HADH: variants seen among roughly 807,000 people sequenced by gnomAD.
HADH encodes hydroxyacyl-coenzyme A dehydrogenase, mitochondrial.
Under a neutral mutation model 32.2 loss-of-function variants are expected in HADH, and 24 were observed. That is an observed-to-expected ratio of 0.75 (90% CI 0.54 to 1.05). HADH has a LOEUF of 1.05. Among genes scored for constraint, HADH ranks in the 50% least tolerant of loss-of-function variants. The pLI, the probability that HADH is intolerant of heterozygous loss-of-function variation, is 0.00. For missense variants in HADH, 350 were observed against 397.1 expected, an observed-to-expected ratio of 0.88 and a Z score of 1.01; for synonymous variants, 139 against 152.5, an observed-to-expected ratio of 0.91 and a Z score of 0.65.
Position 107,994,556 on chromosome 4 carries a change from T to C in HADH, c.132+4492T>C, listed in dbSNP as rs372933265. 5.9e-5 allele frequency among the ~76,000 whole-genome samples: 9 copies of C among 152,336 alleles called. No homozygotes were observed. The East Asian group carries it at 1.4e-3, about 23-fold the overall frequency. ...AGCTCTGTTGAGCTGTACAGTACAG[T>C]ACTGCTTTGCTTGCAAAGCAGTACA... On this transcript the variant is annotated intron_variant, in intron 1 of 7. Coordinates refer to ENST00000309522, the MANE Select transcript of HADH (RefSeq NM_005327.7).
chr4:108,011,466 C>T (rs1354907033), intron 2 of HADH, among the ~76,000 whole-genome samples: 1 of 152,140 alleles, frequency 6.6e-6, no homozygotes, highest in East Asian at 1.9e-4. Context: ...CCACTGGGCC[C>T]CTCCCACAAC....
intron 6 of HADH, chr4:108,028,358 T>A (rs1300915559): frequency 6.4e-6 from 1 of 155,408 alleles, no homozygotes; most frequent in Admixed American, 6.4e-5. Context: ...GGCCTCTAAA[T>A]TGATCTGCAT....
intron 6 of HADH, chr4:108,032,580 T>G: frequency 2.1e-6 from 1 of 478,356 alleles, no homozygotes; most frequent in Non-Finnish European, 3.8e-6. Context: ...GATTCCAGAG[T>G]TGGAAAATCC....
intron 1 of HADH, among the ~76,000 whole-genome samples, chr4:108,000,847 G>A (rs1185580993): frequency 6.6e-6 from 1 of 152,144 alleles, no homozygotes; most frequent in Admixed American, 6.6e-5. Context: ...CTACAGAATC[G>A]GGTTACTACC....
At position 107,989,943 on chromosome 4, in the gene HADH, T is replaced by A; in HGVS notation, c.11T>A (p.Val4Asp). 6.2e-7 allele frequency: 1 copy of A among 1,612,898 alleles called. No individual in the cohort carries two copies. Among genetic ancestry groups the A allele is most frequent in the African/African-American group, 1.3e-5 (1 of 75,020 alleles). ...CGCCGCTGCCACACCATGGCCTTCGTCACCAGGCAGTTCATGCGTTCCGTG... is the reference window on the plus strand; with the variant it reads ...CGCCGCTGCCACACCATGGCCTTCGACACCAGGCAGTTCATGCGTTCCGTG... The part of the protein sequence containing the change: MAF[V>D]TRQFMRSVSS... The change falls in exon 1 of 8, where the codon GTC (valine) becomes GAC (aspartate). Residue 4 changes from valine (V) to aspartate (D), a missense_variant. Val to Asp is a radical substitution (Grantham distance 152). Coordinates refer to ENST00000309522, the MANE Select transcript of HADH (RefSeq NM_005327.7).
chr4:108,011,683 G>C (rs576569915), intron 2 of HADH, among the ~76,000 whole-genome samples: 1 of 152,172 alleles, frequency 6.6e-6, no homozygotes, highest in Admixed American at 6.5e-5. Flanking sequence ...TTGCTGGGTT[G>C]TATGGTAATC....
chr4:108,000,749 C>A (rs1336178759), intron 1 of HADH, among the ~76,000 whole-genome samples: 2 of 152,150 alleles, frequency 1.3e-5, no homozygotes, highest in Non-Finnish European at 2.9e-5. Context: ...GGGAGCCGGA[C>A]ATGTATGGCA....
rs1736395216 is a variant in HADH, at chr4:108,034,512, C to G, written c.*155C>G. 1.4e-6 allele frequency: 1 copy of G among 701,128 alleles called. No individual in the cohort carries two copies. The highest frequency in any genetic ancestry group is 2.7e-6 in the Non-Finnish European group (1 of 375,390). The allele number at this position is 701,128 out of a possible 1,614,324, so 43.4% of individuals were successfully genotyped here. On this transcript the variant is annotated 3_prime_UTR_variant, in exon 8 of 8. Transcript: ENST00000309522. ...TTGTAATCTATCGAAGTGATTATTACACCAGTTACAGCAGTAATAGATTCT... is the reference window on the plus strand; with the variant it reads ...TTGTAATCTATCGAAGTGATTATTAGACCAGTTACAGCAGTAATAGATTCT...
chr4:108,033,248 T>G lies in HADH; in HGVS notation c.782T>G (p.Leu261Arg), dbSNP rs1451655611. 6.2e-7 allele frequency: 1 copy of G among 1,605,796 alleles called. No homozygotes were observed. The highest frequency in any genetic ancestry group is 8.5e-7 in the Non-Finnish European group (1 of 1,172,408). Residue 261 changes from leucine to arginine, a missense_variant, in exon 7 of 8, where the codon CTT becomes CGT. By Grantham distance (102) the Leu-to-Arg change is moderately radical (BLOSUM62 -2). Transcript: ENST00000309522. ...GAGYPMGPFE[L>R]LDYVGLDTTK... is the part of the protein sequence containing the mutation. ...GGTTACCCCATGGGCCCATTTGAGC[T>G]TCTAGATTATGTCGGACTGGATACT... is the stretch of plus-strand genomic sequence containing the variant.
At chr4:108,014,288 T>A in intron 2 of HADH, 143 bp from the exon 3 acceptor site, 2 of 826,976 alleles carry the variant, frequency 2.4e-6, no homozygotes, top group South Asian at 2.8e-5. Flanking sequence ...ATTACAGGCT[T>A]CGTGGACACT....
intron 5 of HADH, 144 bp downstream of exon 5, chr4:108,023,707 C>A: frequency 1.4e-6 from 1 of 695,396 alleles, no homozygotes; most frequent in South Asian, 1.5e-5. Context: ...AAAGAGCAAT[C>A]CGTGCCTCCT....
intron 1 of HADH, among the ~76,000 whole-genome samples, chr4:107,995,323 GAC>G (rs746108669): frequency 6.6e-6 from 1 of 152,106 alleles, no homozygotes; most frequent in Non-Finnish European, 1.5e-5. Flanking sequence ...AGACTCACCT[GAC>G]AGCTGTGAAA....
chr4:108,003,129 C>A, intron 1 of HADH, among the ~76,000 whole-genome samples: 1 of 117,702 alleles, frequency 8.5e-6, no homozygotes, highest in South Asian at 2.8e-4. Flanking sequence ...TTTTTTGCTG[C>A]TATTAACAGA....
At chr4:108,008,902 T>C (rs1369633679) in intron 1 of HADH, among the ~76,000 whole-genome samples, 3 of 152,220 alleles carry the variant, frequency 2.0e-5, no homozygotes, top group Non-Finnish European at 4.4e-5. Context: ...TCCATGATCC[T>C]TGCTGAAGCT....
At chr4:108,032,947 A>G in intron 6 of HADH, 2 of 516,950 alleles carry the variant, frequency 3.9e-6, no homozygotes, top group South Asian at 2.0e-5. Context: ...GTGCCATTGC[A>G]CTTCAGCTTG....
chr4:107,998,805 T>C (rs139264178), intron 1 of HADH, among the ~76,000 whole-genome samples: 1 of 152,158 alleles, frequency 6.6e-6, no homozygotes, highest in Non-Finnish European at 1.5e-5. Flanking sequence ...TGATGGACAT[T>C]AGAGATTTCA....
At position 108,034,682 on chromosome 4, in the gene HADH, C is replaced by T. The variant is rs946567751; in HGVS notation, c.*325C>T. 6 of 362,182 alleles carry T rather than the reference C, an allele frequency of 1.7e-5. No homozygotes were observed. Among genetic ancestry groups the T allele is most frequent in the East Asian group, 1.4e-4 (2 of 13,872 alleles). The allele number at this position is 362,182 out of a possible 1,614,324, so 22.4% of individuals were successfully genotyped here. ...TTGCCTAGATTCCTTCTCTCATCAA[C>T]GGGAAAGTACTTCCTCTGAGAGTGC... is the stretch of plus-strand genomic sequence containing the variant. On this transcript the variant is annotated 3_prime_UTR_variant, in exon 8 of 8. Transcript: ENST00000309522.
intron 3 of HADH, among the ~76,000 whole-genome samples, chr4:108,018,439 T>TA (rs999467064): frequency 5.3e-5 from 8 of 151,926 alleles, no homozygotes; most frequent in African/African-American, 1.5e-4. Flanking sequence ...ATTTTTTTTT[T>TA]AAAAAGGAAA....
intron 6 of HADH, chr4:108,031,110 AT>A (rs752321077): frequency 1.4e-4 from 21 of 152,232 alleles, no homozygotes; most frequent in Non-Finnish European, 2.9e-4. Flanking sequence ...ATGCTGTCAG[AT>A]TTCTGTCCCA....
Sources: allele counts gnomAD v4.1 joint callset (sites outside exome capture counted in the v4.1 genomes callset), GRCh38; gene constraint gnomAD v4.1.1; transcripts MANE v1.5; gene names NCBI Gene and HGNC (gene_info 2026-07-23, HGNC 2026-07-21).